The following LARGE1 variants were observed in gnomAD, a reference collection of about 807,000 sequenced individuals.
The protein encoded by LARGE1 is LARGE xylosyl- and glucuronyltransferase 1.
Under a neutral mutation model 87.6 loss-of-function variants are expected in LARGE1, and 43 were observed. The ratio of observed to expected loss-of-function variants is 0.49; its 90% confidence interval spans 0.38 to 0.63. The LOEUF (loss-of-function observed/expected upper bound fraction) is 0.63. LARGE1 is among the 30% of genes least tolerant of loss of function. The pLI is 0.00. For synonymous variants in LARGE1, 434 were observed against 394.6 expected (o/e 1.10, Z -1.18); for missense variants, 802 against 1,000.2 (o/e 0.80, Z 2.67).
chr22:33,694,832 G>C (rs553999367), intron 2 of LARGE1, among the ~76,000 whole-genome samples: 1 of 152,164 alleles, frequency 6.6e-6, no homozygotes, highest in Non-Finnish European at 1.5e-5. Flanking sequence ...ACTAGTGGTC[G>C]TGTTTGCATG....
intron 11 of LARGE1, among the ~76,000 whole-genome samples, chr22:33,258,768 T>C (rs895994245): frequency 2.0e-5 from 3 of 152,222 alleles, no homozygotes; most frequent in Non-Finnish European, 4.4e-5. Context: ...GGACTCACTC[T>C]GATTCCTTTA....
chr22:33,561,393 C>T lies in LARGE1; in HGVS notation c.787+3455G>A, dbSNP rs552460815. Among the ~76,000 whole-genome samples the T allele has an allele frequency of 2.0e-5, 3 of 152,286 alleles. No individual in the cohort carries two copies. In the East Asian group the frequency reaches 5.8e-4, roughly 29 times the overall value. ...AGGTGTAAACTGAACACAGGTCAGACAAGAGCTGCAAGGACATCTGCCTAT... is the reference window on the plus strand; with the variant it reads ...AGGTGTAAACTGAACACAGGTCAGATAAGAGCTGCAAGGACATCTGCCTAT... On this transcript the variant is annotated intron_variant, in intron 6 of 14. Coordinates refer to ENST00000397394, the MANE Select transcript of LARGE1 (RefSeq NM_133642.5).
At chr22:33,454,548 G>A (rs1351999264) in intron 6 of LARGE1, among the ~76,000 whole-genome samples, 1 of 151,512 alleles carries the variant, frequency 6.6e-6, no homozygotes, top group Non-Finnish European at 1.5e-5. Flanking sequence ...GAATCCGGGA[G>A]GCGGAGGTTG....
At chr22:33,410,400 T>C (rs2066266667) in intron 7 of LARGE1, among the ~76,000 whole-genome samples, 1 of 152,000 alleles carries the variant, frequency 6.6e-6, no homozygotes, top group Admixed American at 6.6e-5. Context: ...GGGAGAGATA[T>C]GATGGGAGGT....
intron 2 of LARGE1, chr22:33,737,837 T>G (rs990154731): frequency 1.3e-5 from 2 of 151,710 alleles, no homozygotes; most frequent in African/African-American, 4.8e-5. Context: ...AAAGGCAGAG[T>G]GTACAAGCCT....
chr22:33,788,171 T>G (rs555755765), intron 1 of LARGE1, among the ~76,000 whole-genome samples: 2 of 152,210 alleles, frequency 1.3e-5, no homozygotes, highest in South Asian at 4.1e-4. Flanking sequence ...AATCATGGGG[T>G]CGGTTTTCCC....
At chr22:33,669,778 G>C (rs2081359289) in intron 2 of LARGE1, among the ~76,000 whole-genome samples, 2 of 152,190 alleles carry the variant, frequency 1.3e-5, no homozygotes, top group African/African-American at 4.8e-5. Context: ...TGAGCCATCA[G>C]GCAACTTAAT....
chr22:33,174,122 G>A (rs968636157), intron 11 of LARGE1, among the ~76,000 whole-genome samples: 1 of 151,996 alleles, frequency 6.6e-6, no homozygotes, highest in Non-Finnish European at 1.5e-5. Flanking sequence ...GCAGAAGAAC[G>A]GAAATCATAA....
At chr22:33,169,997 T>C (rs1294581275) in intron 11 of LARGE1, among the ~76,000 whole-genome samples, 1 of 152,150 alleles carries the variant, frequency 6.6e-6, no homozygotes, top group Non-Finnish European at 1.5e-5. Context: ...CCCCCTTAAA[T>C]GTATGTGTTG....
chr22:33,824,729 C>G (rs1367556663), intron 1 of LARGE1, among the ~76,000 whole-genome samples: 1 of 152,166 alleles, frequency 6.6e-6, no homozygotes, highest in Non-Finnish European at 1.5e-5. Context: ...AAAGTCCAAA[C>G]ATTTTCTAAT....
chr22:33,441,892 T>C (rs79313892), intron 6 of LARGE1, among the ~76,000 whole-genome samples: 1,792 of 152,322 alleles, frequency 0.012, 35 homozygotes, highest in African/African-American at 0.04. Context: ...GCGATCTATG[T>C]ACTCCAATTC....
chr22:33,629,656 T>C (rs1482893790), intron 3 of LARGE1, among the ~76,000 whole-genome samples: 1 of 152,078 alleles, frequency 6.6e-6, no homozygotes, highest in Non-Finnish European at 1.5e-5. Context: ...AGATAAACGA[T>C]CCTTGAAAGA....
chr22:33,369,877 T>C (rs972966880), intron 9 of LARGE1, among the ~76,000 whole-genome samples: 2 of 152,038 alleles, frequency 1.3e-5, no homozygotes, highest in African/African-American at 4.8e-5. Flanking sequence ...CCTAAATCAG[T>C]TGACTTTTCT....
At chr22:33,444,054 G>A (rs1325505336) in intron 6 of LARGE1, among the ~76,000 whole-genome samples, 1 of 152,230 alleles carries the variant, frequency 6.6e-6, no homozygotes, top group East Asian at 1.9e-4. Flanking sequence ...TAGTGTCTAG[G>A]AGAAATTGTT....
chr22:33,201,384 A>G (rs893245880), intron 11 of LARGE1, among the ~76,000 whole-genome samples: 1 of 151,504 alleles, frequency 6.6e-6, no homozygotes, highest in Non-Finnish European at 1.5e-5. Context: ...GGAAGAAAGA[A>G]AGGAAAGAAG....
At chr22:33,701,990 T>C (rs16992815) in intron 2 of LARGE1, among the ~76,000 whole-genome samples, 2,645 of 152,236 alleles carry the variant, frequency 0.017, 76 homozygotes, top group African/African-American at 0.06. Context: ...TTAGTGTGAG[T>C]GTTCCTCTCC....
intron 2 of LARGE1, chr22:33,724,662 A>G (rs1004834178): frequency 6.6e-6 from 1 of 152,246 alleles, no homozygotes; most frequent in African/African-American, 2.4e-5. Context: ...GCATGCATTT[A>G]TCAACTTTGT....
chr22:33,210,418 C>T (rs1462333634), intron 11 of LARGE1, among the ~76,000 whole-genome samples: 2 of 152,240 alleles, frequency 1.3e-5, no homozygotes, highest in African/African-American at 2.4e-5. Context: ...GTCTGTGTGC[C>T]GCCTGGGATT....
At chr22:33,906,334 T>G (rs1223512668) in intron 1 of LARGE1, among the ~76,000 whole-genome samples, 1 of 152,154 alleles carries the variant, frequency 6.6e-6, no homozygotes, top group Non-Finnish European at 1.5e-5. Flanking sequence ...CCATGAAAAG[T>G]CTTCATGTAT....
Sources: gnomAD v4.1 joint callset for allele counts (sites outside exome capture counted in the v4.1 genomes callset) on GRCh38, gnomAD v4.1.1 for gene constraint, MANE v1.5 for transcripts, NCBI Gene and HGNC (gene_info 2026-07-23, HGNC 2026-07-21) for gene names.